Variants in SLC35F3 observed in about 807,000 individuals in gnomAD.
SLC35F3 encodes the protein solute carrier family 35 member F3.
In SLC35F3, 25 loss-of-function variants were observed where a neutral mutation model predicts 49.9. The ratio of observed to expected loss-of-function variants is 0.50; its 90% CI spans 0.37 to 0.70. The LOEUF is 0.70. Ranked by LOEUF, SLC35F3 falls within the 30% of genes least tolerant of loss-of-function variation. SLC35F3 has a pLI of 0.00. For missense variants in SLC35F3, 525 were observed against 639.8 expected, an observed-to-expected ratio of 0.82 and a Z score of 1.94; for synonymous variants, 275 against 265.4, an observed-to-expected ratio of 1.04 and a Z score of -0.35.
At chr1:234,287,324 A>T (rs1264015163) in intron 3 of SLC35F3, among the ~76,000 whole-genome samples, 1 of 134,292 alleles carries the variant, frequency 7.4e-6, no homozygotes, top group East Asian at 1.9e-4. Context: ...TTATACCCAT[A>T]TGAGACATAA....
At chr1:233,973,515 T>C (rs1182267568) in intron 2 of SLC35F3, among the ~76,000 whole-genome samples, 1 of 152,260 alleles carries the variant, frequency 6.6e-6, no homozygotes, top group Non-Finnish European at 1.5e-5. Flanking sequence ...CTTCAGCTAC[T>C]TCCCAGGTTC....
intron 3 of SLC35F3, among the ~76,000 whole-genome samples, chr1:234,301,267 G>A (rs543127116): frequency 1.7e-4 from 26 of 152,178 alleles, no homozygotes; most frequent in Admixed American, 1.6e-3. Flanking sequence ...GATCGGGCGT[G>A]TTCAGGGTGG....
chr1:234,212,301 C>T (rs1337816749), intron 2 of SLC35F3, among the ~76,000 whole-genome samples: 2 of 152,198 alleles, frequency 1.3e-5, no homozygotes, highest in Admixed American at 1.3e-4. Context: ...CACATCAGCA[C>T]AAGTATAAAC....
chr1:234,065,763 C>T (rs1360632080), intron 2 of SLC35F3, among the ~76,000 whole-genome samples: 2 of 152,152 alleles, frequency 1.3e-5, no homozygotes, highest in Admixed American at 6.5e-5. Flanking sequence ...ACTATATGAG[C>T]ACAACATTTA....
At chr1:234,011,462 G>T (rs961700805) in intron 2 of SLC35F3, among the ~76,000 whole-genome samples, 2 of 151,942 alleles carry the variant, frequency 1.3e-5, no homozygotes, top group South Asian at 4.2e-4. Flanking sequence ...CCAGTTAAGG[G>T]TCACAAATGG....
intron 3 of SLC35F3, among the ~76,000 whole-genome samples, chr1:234,304,663 T>C (rs1160115654): frequency 1.3e-5 from 2 of 152,198 alleles, no homozygotes; most frequent in Non-Finnish European, 2.9e-5. Context: ...CTCTCCACTG[T>C]AGCATCATTA....
chr1:234,122,947 A>G (rs563224831), intron 2 of SLC35F3, among the ~76,000 whole-genome samples: 2 of 152,150 alleles, frequency 1.3e-5, no homozygotes, highest in Non-Finnish European at 2.9e-5. Flanking sequence ...TTGTATCTTT[A>G]TATTAGAATG....
In SLC35F3 at chr1:234,164,215, A is replaced by C. The variant is rs111710490; in HGVS notation, c.284-67202A>C. On this transcript the variant is annotated intron_variant, in intron 2 of 7. Coordinates refer to ENST00000366618, the MANE Select transcript of SLC35F3 (RefSeq NM_173508.4). ...TCTTTCTCCTTTTCTATTTCTATCT[A>C]TTTCTTTATCTTTTTCTGTCTCCTT... Among the ~76,000 whole-genome samples the C allele has an allele frequency of 8.0e-3, 1,159 of 144,772 alleles. 21 individuals carry two copies. The highest frequency in any genetic ancestry group is 0.027 in the African/African-American group (1,048 of 38,834). 95.0% of individuals were successfully genotyped at this position (144,772 alleles called of 152,430 possible).
Position 234,318,798 on chromosome 1 carries a change from C to A in SLC35F3, c.1002C>A (p.Ala334=), listed in dbSNP as rs1657550764. The part of the protein sequence containing the change: ...LLGSAKFGEA[A]LFLSILGVFN... ...GCAGTGCTAAGTTTGGAGAAGCCGC[C>A]TTATTTTTGTCCATCTTGGGTGTGT... The change falls in exon 6 of 8, where the codon GCC becomes GCA. Residue 334 remains alanine (A), a synonymous_variant. Coordinates refer to ENST00000366618, the MANE Select transcript of SLC35F3 (RefSeq NM_173508.4). The A allele has an allele frequency of 1.2e-6, 2 of 1,614,212 alleles. No individual in the cohort carries two copies. The highest frequency in any genetic ancestry group is 1.3e-5 in the African/African-American group (1 of 75,058).
chr1:233,959,742 G>GC (rs1662762734), intron 2 of SLC35F3, among the ~76,000 whole-genome samples: 1 of 152,192 alleles, frequency 6.6e-6, no homozygotes, highest in African/African-American at 2.4e-5. Context: ...AAGTGCCTTG[G>GC]CCAGGATTTC....
chr1:234,146,709 T>G (rs1666002904), intron 2 of SLC35F3, among the ~76,000 whole-genome samples: 1 of 152,074 alleles, frequency 6.6e-6, no homozygotes, highest in African/African-American at 2.4e-5. Context: ...AGACGGGGTT[T>G]CTCCATGTTT....
intron 7 of SLC35F3, among the ~76,000 whole-genome samples, chr1:234,322,218 AC>A (rs1159639983): frequency 2.7e-5 from 4 of 150,844 alleles, no homozygotes; most frequent in South Asian, 4.2e-4. Flanking sequence ...AATACAGTTG[AC>A]CCTTGAACAA....
At chr1:234,261,545 C>T (rs1328566909) in intron 3 of SLC35F3, among the ~76,000 whole-genome samples, 2 of 152,150 alleles carry the variant, frequency 1.3e-5, no homozygotes, top group East Asian at 3.9e-4. Flanking sequence ...GATCAGCTGT[C>T]ACTTTTGTCA....
At chr1:233,963,132 T>C (rs1662832090) in intron 2 of SLC35F3, among the ~76,000 whole-genome samples, 1 of 152,162 alleles carries the variant, frequency 6.6e-6, no homozygotes, top group African/African-American at 2.4e-5. Context: ...AGCCTTTCAC[T>C]GGTAGCATTG....
Position 234,027,631 on chromosome 1 carries a change from A to C in SLC35F3, c.283+121873A>C, listed in dbSNP as rs1663997864. ...ACTAAGCTGGTCACAGATAGTAGAAAGAAAGGGACAGATGTGAATGATAGT... is the reference window on the plus strand; with the variant it reads ...ACTAAGCTGGTCACAGATAGTAGAACGAAAGGGACAGATGTGAATGATAGT... On this transcript the variant is annotated intron_variant, in intron 2 of 7. Transcript: ENST00000366618. This position sits in a 1 kb window ranked among gnomAD's most constrained non-coding sequence, Gnocchi z 4.1. Among the ~76,000 whole-genome samples the C allele has an allele frequency of 6.6e-6, 1 of 152,226 alleles. No homozygotes were observed. Among genetic ancestry groups the C allele is most frequent in the African/African-American group, 2.4e-5 (1 of 41,446 alleles).
intron 2 of SLC35F3, among the ~76,000 whole-genome samples, chr1:234,149,209 A>T (rs557804011): frequency 6.6e-6 from 1 of 152,286 alleles, no homozygotes; most frequent in African/African-American, 2.4e-5. Context: ...TGAAGATGGA[A>T]CATTACAGGG....
At chr1:234,164,367 C>T (rs1235896096) in intron 2 of SLC35F3, among the ~76,000 whole-genome samples, 2 of 148,132 alleles carry the variant, frequency 1.4e-5, no homozygotes, top group Admixed American at 6.7e-5. Context: ...CCTTCTTTCC[C>T]CTCTCTCCTC....
chr1:233,905,706 C>A lies in SLC35F3; in HGVS notation c.231C>A (p.Ile77=), dbSNP rs1210875557. The A allele has an allele frequency of 3.1e-6, 5 of 1,614,198 alleles. No homozygotes were observed. Among genetic ancestry groups the A allele is most frequent in the Non-Finnish European group, 4.2e-6 (5 of 1,180,034 alleles). Residue 77 remains isoleucine, a synonymous_variant, in exon 2 of 8, where the codon ATC becomes ATA. Transcript: ENST00000366618. ...GGCTCACGTCCATCGAGGAGCGGATCCTGCGCATCACTGGCTACTATGGCT... is the reference window on the plus strand; with the variant it reads ...GGCTCACGTCCATCGAGGAGCGGATACTGCGCATCACTGGCTACTATGGCT... The part of the protein sequence containing the change: ...PVGLTSIEER[I]LRITGYYGYQ...
chr1:234,126,324 G>A (rs1665646263), intron 2 of SLC35F3, among the ~76,000 whole-genome samples: 1 of 152,090 alleles, frequency 6.6e-6, no homozygotes, highest in South Asian at 2.1e-4. Context: ...TGAAATAGTT[G>A]TAAATTCATA....
Sources: allele counts gnomAD v4.1 joint callset (sites outside exome capture counted in the v4.1 genomes callset), GRCh38; gene constraint gnomAD v4.1.1; non-coding constraint Gnocchi (gnomAD v3.1); transcripts MANE v1.5; gene names NCBI Gene and HGNC (gene_info 2026-07-23, HGNC 2026-07-21).